The following RASGRP1 variants were observed in gnomAD, a reference collection of about 807,000 sequenced individuals.
RASGRP1 encodes RAS guanyl releasing protein 1.
A neutral mutation model predicts 95.1 loss-of-function variants in RASGRP1; 37 were observed. The observed-to-expected ratio is 0.39, with a 90% CI of 0.30 to 0.51. RASGRP1 has a LOEUF of 0.51. Ranked by LOEUF, RASGRP1 falls within the 20% of genes least tolerant of loss-of-function variation. The pLI, the probability that RASGRP1 is intolerant of heterozygous loss-of-function variation, is 0.80. For synonymous variants in RASGRP1, 325 were observed against 353.4 expected (o/e 0.92, Z 0.90); for missense variants, 711 against 965.4 (o/e 0.74, Z 3.49).
At chr15:38,511,829 A>C (rs1165608279) in intron 7 of RASGRP1, 109 bp from the exon 8 acceptor site, 1 of 736,000 alleles carries the variant, frequency 1.4e-6, no homozygotes, top group Non-Finnish European at 2.3e-6. Context: ...TACGCTGGTT[A>C]AAGACTAGTT....
intron 2 of RASGRP1, among the ~76,000 whole-genome samples, chr15:38,540,400 G>A (rs374008974): frequency 1.3e-5 from 2 of 152,130 alleles, no homozygotes; most frequent in South Asian, 4.1e-4. Context: ...GGCAACTAAT[G>A]ATAAACACAA....
At chr15:38,542,829 A>G (rs1227894747) in intron 2 of RASGRP1, among the ~76,000 whole-genome samples, 1 of 129,076 alleles carries the variant, frequency 7.7e-6, no homozygotes, top group African/African-American at 3.2e-5. Context: ...ATATACATAT[A>G]TATGTGTATA....
chr15:38,497,827 T>G (rs1336518521), intron 15 of RASGRP1, among the ~76,000 whole-genome samples: 1 of 152,220 alleles, frequency 6.6e-6, no homozygotes, highest in Non-Finnish European at 1.5e-5. Context: ...GCTAGTTTAT[T>G]TCTTGAATGT....
chr15:38,505,380 C>T (rs1891210353), intron 10 of RASGRP1, among the ~76,000 whole-genome samples: 1 of 152,124 alleles, frequency 6.6e-6, no homozygotes, highest in South Asian at 2.1e-4. Flanking sequence ...TTCTATCTAC[C>T]AACCTGGAAA....
chr15:38,507,606 T>TA (rs1007134055), intron 9 of RASGRP1, 120 bp downstream of exon 9: 13 of 1,143,350 alleles, frequency 1.1e-5, no homozygotes, highest in Admixed American at 2.6e-5. Context: ...TTGGAGATAG[T>TA]AATAGGATCT....
intron 16 of RASGRP1, among the ~76,000 whole-genome samples, chr15:38,494,078 G>A (rs1045452898): frequency 2.0e-5 from 3 of 152,170 alleles, no homozygotes; most frequent in Admixed American, 6.5e-5. Flanking sequence ...TTTGGGCACT[G>A]GCACCAGCAC....
At chr15:38,542,209 C>A (rs989755644) in intron 2 of RASGRP1, among the ~76,000 whole-genome samples, 1 of 152,080 alleles carries the variant, frequency 6.6e-6, no homozygotes, top group African/African-American at 2.4e-5. Context: ...AAACAACACA[C>A]TAAACTAAAA....
At position 38,543,834 on chromosome 15, in the gene RASGRP1, T is replaced by C. The variant is rs114015946; in HGVS notation, c.220+15987A>G. Among the ~76,000 whole-genome samples the C allele has an allele frequency of 5.9e-3, 896 of 152,204 alleles. 7 individuals carry two copies. The highest frequency in any genetic ancestry group is 0.021 in the African/African-American group (852 of 41,548). Reference sequence around the variant, plus strand: ...TTAAATCCTCCAACATATTTATTTATAATAGCTGCTTTAAATTCTCTATCT... The same window carrying C: ...TTAAATCCTCCAACATATTTATTTACAATAGCTGCTTTAAATTCTCTATCT... On this transcript the variant is annotated intron_variant, in intron 2 of 16. Transcript: ENST00000310803.
At chr15:38,495,575 A>G (rs1475563471) in intron 15 of RASGRP1, among the ~76,000 whole-genome samples, 4 of 152,346 alleles carry the variant, frequency 2.6e-5, no homozygotes, top group Admixed American at 2.0e-4. Flanking sequence ...AAAAACAACA[A>G]AAAAGTTTTC....
rs183984806 is a variant in RASGRP1, at chr15:38,490,492, A to G, written c.*62T>C. ...AGTGTAAAGTTCCTCAGGTCTGTGCATTACAGTTTAGGAAATGAGATCACT... is the reference window on the plus strand; with the variant it reads ...AGTGTAAAGTTCCTCAGGTCTGTGCGTTACAGTTTAGGAAATGAGATCACT... On this transcript the variant is annotated 3_prime_UTR_variant, in exon 17 of 17. Transcript: ENST00000310803. The G allele has an allele frequency of 1.5e-5, 23 of 1,553,728 alleles. No homozygotes were observed. Among genetic ancestry groups the G allele is most frequent in the Non-Finnish European group, 1.9e-5 (22 of 1,147,740 alleles).
chr15:38,513,089 G>T, intron 6 of RASGRP1, 133 bp from the exon 7 acceptor site: 1 of 886,692 alleles, frequency 1.1e-6, no homozygotes, highest in Non-Finnish European at 1.6e-6. Context: ...GGAGCTCCTG[G>T]TGCTCTTCTG....
intron 2 of RASGRP1, among the ~76,000 whole-genome samples, chr15:38,533,761 G>A (rs905381954): frequency 1.2e-4 from 19 of 152,346 alleles, no homozygotes; most frequent in African/African-American, 4.3e-4. Context: ...TTCAGGGAAA[G>A]TGAGAATCCA....
At chr15:38,543,244 AT>A (rs1012410590) in intron 2 of RASGRP1, among the ~76,000 whole-genome samples, 6 of 151,604 alleles carry the variant, frequency 4.0e-5, no homozygotes, top group South Asian at 2.1e-4. Context: ...GTCACAGTTC[AT>A]TTTTTTTCAT....
chr15:38,553,759 A>T (rs922174807), intron 2 of RASGRP1, among the ~76,000 whole-genome samples: 1 of 152,300 alleles, frequency 6.6e-6, no homozygotes, highest in South Asian at 2.1e-4. Flanking sequence ...AATGCAGAAA[A>T]ATCTGATAAA....
chr15:38,542,842 TATATATGTGTATATATATAC>T (rs1892930909), intron 2 of RASGRP1, among the ~76,000 whole-genome samples: 1 of 115,304 alleles, frequency 8.7e-6, no homozygotes, highest in African/African-American at 4.3e-5. Context: ...TGTGTATATA[TATATATGTGTATATATATAC>T]ACATATATGT....
chr15:38,525,709 T>C lies in RASGRP1; in HGVS notation c.326+590A>G, dbSNP rs560621738. Among the ~76,000 whole-genome samples the C allele has an allele frequency of 8.5e-5, 13 of 152,298 alleles. No individual in the cohort carries two copies. The South Asian group carries it at 2.7e-3, about 32-fold the overall frequency. On this transcript the variant is annotated intron_variant, in intron 3 of 16. Transcript: ENST00000310803. The stretch of plus-strand genomic sequence containing the variant: ...CTCACTCCGCCTACAACTCTTCTTT[T>C]GTGGGGGCTGCTGCTTACAGTGTCA...
At chr15:38,538,302 C>G (rs184732476) in intron 2 of RASGRP1, among the ~76,000 whole-genome samples, 1 of 152,256 alleles carries the variant, frequency 6.6e-6, no homozygotes, top group East Asian at 1.9e-4. Context: ...TGCTTCAGAA[C>G]ATCCTAAGTC....
intron 1 of RASGRP1, among the ~76,000 whole-genome samples, chr15:38,563,760 C>G (rs1420300998): frequency 6.6e-6 from 1 of 152,142 alleles, no homozygotes; most frequent in Non-Finnish European, 1.5e-5. Context: ...TCCTTCGTTC[C>G]TGGGATTATA....
intron 2 of RASGRP1, among the ~76,000 whole-genome samples, chr15:38,532,504 A>G (rs1182727531): frequency 6.6e-6 from 1 of 152,134 alleles, no homozygotes; most frequent in Non-Finnish European, 1.5e-5. Context: ...CCTATTTTCC[A>G]CCGTTAGACT....
Sources: allele counts gnomAD v4.1 joint callset (sites outside exome capture counted in the v4.1 genomes callset), GRCh38; gene constraint gnomAD v4.1.1; transcripts MANE v1.5; gene names NCBI Gene and HGNC (gene_info 2026-07-23, HGNC 2026-07-21).